The following CDH4 variants were observed in gnomAD, a reference collection of about 807,000 sequenced individuals.
The protein encoded by CDH4 is cadherin-4.
In CDH4, 33 loss-of-function variants were observed where a neutral mutation model predicts 86.0. The observed-to-expected ratio is 0.38, with a 90% confidence interval of 0.29 to 0.51. CDH4 has a LOEUF of 0.51. CDH4 is among the 20% of genes least tolerant of loss of function. CDH4 has a pLI of 0.86. For synonymous variants in CDH4, 555 were observed against 549.4 expected, an observed-to-expected ratio of 1.01 and a Z score of -0.14; for missense variants, 1,114 against 1,307.4, an observed-to-expected ratio of 0.85 and a Z score of 2.28.
chr20:61,302,543 T>C (rs1336169608), intron 2 of CDH4, among the ~76,000 whole-genome samples: 1 of 145,896 alleles, frequency 6.9e-6, no homozygotes, highest in Non-Finnish European at 1.5e-5. Flanking sequence ...AGGGTCTGAC[T>C]GAGGTTGGGG....
At chr20:61,405,192 C>A (rs1055658059) in intron 2 of CDH4, among the ~76,000 whole-genome samples, 1 of 151,960 alleles carries the variant, frequency 6.6e-6, no homozygotes, top group Admixed American at 6.6e-5. Context: ...CCTCCCTCCC[C>A]GGGATGCGCT....
chr20:61,384,728 C>G (rs961273980), intron 2 of CDH4, among the ~76,000 whole-genome samples: 5 of 152,100 alleles, frequency 3.3e-5, no homozygotes, highest in African/African-American at 1.2e-4. Context: ...TATAAATTCT[C>G]TATTTTTCAC....
chr20:61,637,108 T>C (rs562771535), intron 2 of CDH4, among the ~76,000 whole-genome samples: 2 of 152,338 alleles, frequency 1.3e-5, no homozygotes, highest in African/African-American at 4.8e-5. Flanking sequence ...TTTGTTTGTT[T>C]TTCTTCAAGT....
At chr20:61,620,484 G>A (rs546700520) in intron 2 of CDH4, among the ~76,000 whole-genome samples, 3 of 152,118 alleles carry the variant, frequency 2.0e-5, no homozygotes, top group Non-Finnish European at 2.9e-5. Context: ...TAGATAGATG[G>A]ATGATGGATG....
intron 2 of CDH4, among the ~76,000 whole-genome samples, chr20:61,653,754 G>C (rs1378332450): frequency 9.2e-6 from 1 of 109,186 alleles, no homozygotes; most frequent in African/African-American, 3.0e-5. Flanking sequence ...ACGGGGCGGC[G>C]GGGCAGAGGC....
At chr20:61,831,959 GC>G (rs1398301540) in intron 4 of CDH4, among the ~76,000 whole-genome samples, 1 of 152,256 alleles carries the variant, frequency 6.6e-6, no homozygotes, top group Non-Finnish European at 1.5e-5. Context: ...GGCAGGAGCG[GC>G]TGGAGCCTGC....
At chr20:61,490,603 G>A (rs1376627287) in intron 2 of CDH4, among the ~76,000 whole-genome samples, 1 of 152,106 alleles carries the variant, frequency 6.6e-6, no homozygotes, top group African/African-American at 2.4e-5. Flanking sequence ...GGAGGCTGAG[G>A]CAGGAGAATC....
At position 61,801,470 on chromosome 20, in the gene CDH4, T is replaced by C. The variant is rs137887196; in HGVS notation, c.576+28288T>C. On this transcript the variant is annotated intron_variant, in intron 4 of 15. Transcript: ENST00000614565. ...GCCGAAGTAGGTGTTCCTTCAGTGG[T>C]CACTCCCTGTCTGTGTGAGTTGCCG... Among the ~76,000 whole-genome samples, 7 of 152,312 alleles carry C rather than the reference T, an allele frequency of 4.6e-5. No individual in the cohort carries two copies. The East Asian group carries it at 1.2e-3, about 25-fold the overall frequency.
intron 5 of CDH4, among the ~76,000 whole-genome samples, chr20:61,846,214 T>TG (rs992288600): frequency 6.6e-5 from 10 of 152,332 alleles, no homozygotes; most frequent in African/African-American, 2.4e-4. Flanking sequence ...GGCTGCCTCC[T>TG]GGGAAGGCTC....
At chr20:61,864,416 C>T (rs1159477102) in intron 6 of CDH4, among the ~76,000 whole-genome samples, 1 of 152,268 alleles carries the variant, frequency 6.6e-6, no homozygotes, top group Non-Finnish European at 1.5e-5. Flanking sequence ...GCCAGAAACC[C>T]TGTCCATCGA....
chr20:61,270,238 C>T (rs78892715), intron 2 of CDH4, among the ~76,000 whole-genome samples: 8,826 of 152,284 alleles, frequency 0.058, 381 homozygotes, highest in Non-Finnish European at 0.088. Flanking sequence ...GATTGGATTA[C>T]GCCGTATCCT....
At chr20:61,488,536 C>T (rs1370516281) in intron 2 of CDH4, among the ~76,000 whole-genome samples, 2 of 152,030 alleles carry the variant, frequency 1.3e-5, no homozygotes, top group Non-Finnish European at 2.9e-5. Flanking sequence ...GCTGATTTGT[C>T]TTAAATTGCA....
At chr20:61,433,689 T>C (rs2427097) in intron 2 of CDH4, among the ~76,000 whole-genome samples, 97,391 of 151,864 alleles carry the variant, frequency 0.64, 32,463 homozygotes, top group African/African-American at 0.84. Flanking sequence ...GAGAGAGTGG[T>C]GGCGCATGTG....
intron 2 of CDH4, among the ~76,000 whole-genome samples, chr20:61,348,150 T>C (rs960293176): frequency 2.6e-5 from 4 of 152,122 alleles, no homozygotes; most frequent in Admixed American, 2.6e-4. Context: ...GACTGGGTCA[T>C]TTATAAAGGA....
intron 2 of CDH4, among the ~76,000 whole-genome samples, chr20:61,603,533 A>G (rs1008358909): frequency 6.6e-6 from 1 of 152,156 alleles, no homozygotes; most frequent in Non-Finnish European, 1.5e-5. Context: ...GGTGTGCCCT[A>G]CCAGGTGTGG....
chr20:61,918,538 C>T lies in CDH4; in HGVS notation c.1375-4913C>T, dbSNP rs371587913. Among the ~76,000 whole-genome samples the T allele has an allele frequency of 9.9e-5, 15 of 152,258 alleles. No individual in the cohort carries two copies. In the South Asian group the frequency reaches 1.7e-3, roughly 17 times the overall value. On this transcript the variant is annotated intron_variant, in intron 9 of 15. Transcript: ENST00000614565. ...AGTCAGGGTGGGGGTCATGAACCAA[C>T]GCAGTGAGAGGTGACAGCGTGCATC...
At chr20:61,636,021 G>A (rs1029478840) in intron 2 of CDH4, among the ~76,000 whole-genome samples, 1 of 152,252 alleles carries the variant, frequency 6.6e-6, no homozygotes, top group Non-Finnish European at 1.5e-5. Flanking sequence ...TCCAGTACAA[G>A]GCAGGCAGGA....
chr20:61,797,894 A>G (rs368673394), intron 4 of CDH4, among the ~76,000 whole-genome samples: 5 of 152,328 alleles, frequency 3.3e-5, no homozygotes, highest in African/African-American at 1.2e-4. Context: ...CAGGTAGGGC[A>G]TGGCTGCAGG....
chr20:61,679,163 C>T (rs909100499), intron 2 of CDH4, among the ~76,000 whole-genome samples: 7 of 152,148 alleles, frequency 4.6e-5, no homozygotes, highest in African/African-American at 1.4e-4. Context: ...CGTGGCATGG[C>T]CTGGTGTTTG....
Sources: allele counts gnomAD v4.1 joint callset (sites outside exome capture counted in the v4.1 genomes callset), GRCh38; gene constraint gnomAD v4.1.1; transcripts MANE v1.5; gene names NCBI Gene and HGNC (gene_info 2026-07-23, HGNC 2026-07-21).